ACVR2A: variants seen among roughly 807,000 people sequenced by gnomAD.
The protein encoded by ACVR2A is activin A receptor type 2A.
Under a neutral mutation model 61.4 loss-of-function variants are expected in ACVR2A, and 7 were observed. The ratio of observed to expected loss-of-function variants is 0.11; its 90% CI spans 0.06 to 0.21. The LOEUF (loss-of-function observed/expected upper bound fraction) is 0.21. Among genes scored for constraint, ACVR2A ranks in the 10% least tolerant of loss-of-function variants. The probability of loss-of-function intolerance (pLI) is 1.00; values close to 1 mark genes in which losing one functional copy is unlikely to be tolerated. For synonymous variants in ACVR2A, 193 were observed against 208.3 expected (o/e 0.93, Z 0.63); for missense variants, 322 against 621.7 (o/e 0.52, Z 5.13).
At chr2:147,848,845 C>A (rs1187991818) in intron 1 of ACVR2A, among the ~76,000 whole-genome samples, 1 of 151,986 alleles carries the variant, frequency 6.6e-6, no homozygotes, top group African/African-American at 2.4e-5. Flanking sequence ...CAGTTCTAAA[C>A]TCTTAAATTT....
chr2:147,891,890 T>C (rs942935829), intron 1 of ACVR2A, among the ~76,000 whole-genome samples: 1 of 152,212 alleles, frequency 6.6e-6, no homozygotes, highest in African/African-American at 2.4e-5. Flanking sequence ...TTTCAACATG[T>C]TTCTGAAAAT....
intron 1 of ACVR2A, among the ~76,000 whole-genome samples, chr2:147,880,553 C>T (rs1413421928): frequency 6.6e-6 from 1 of 152,054 alleles, no homozygotes; most frequent in Non-Finnish European, 1.5e-5. Context: ...TCATTCCTTC[C>T]TTCTGTCTTA....
At chr2:147,906,964 A>G (rs964222034) in intron 4 of ACVR2A, among the ~76,000 whole-genome samples, 7 of 151,626 alleles carry the variant, frequency 4.6e-5, no homozygotes, top group African/African-American at 9.7e-5. Flanking sequence ...TGCATTAACT[A>G]TTTGTCCTGA....
At position 147,922,937 on chromosome 2, in the gene ACVR2A, T is replaced by TAA; in HGVS notation, c.1078-36_1078-35insAA. 3 of 1,585,608 alleles carry TAA rather than the reference T, an allele frequency of 1.9e-6. No individual in the cohort carries two copies. The South Asian group carries it at 3.5e-5, about 19-fold the overall frequency. Reference sequence around the variant, plus strand: ...ATCATATGTTAGTTCATAAAGTTAATGAATGAGTACTCTTTGCTTTTAACA... The same window carrying TAA: ...ATCATATGTTAGTTCATAAAGTTAATAAGAATGAGTACTCTTTGCTTTTAACA... On this transcript the variant is annotated intron_variant, in intron 8 of 10. Transcript: ENST00000241416.
At chr2:147,898,342 CTT>C (rs555468559) in intron 2 of ACVR2A, 86 of 152,126 alleles carry the variant, frequency 5.7e-4, no homozygotes, top group South Asian at 2.3e-3. Flanking sequence ...TGAAAAGTAA[CTT>C]TATTGAATTA....
Position 147,845,087 on chromosome 2 carries a change from G to GAGGA in ACVR2A, c.-63_-60dup, listed in dbSNP as rs1178189644. On this transcript the variant is annotated 5_prime_UTR_variant, in exon 1 of 11. Coordinates refer to ENST00000241416, the MANE Select transcript of ACVR2A (RefSeq NM_001616.5). Reference sequence around the variant, plus strand: ...ATTTTACACCAGGAGGTTTGTCTCCGAGGAAGACCCAGGGAACTGGATATC... The same window carrying GAGGA: ...ATTTTACACCAGGAGGTTTGTCTCCGAGGAAGGAAGACCCAGGGAACTGGATATC... The GAGGA allele has an allele frequency of 1.6e-5, 21 of 1,294,598 alleles. No homozygotes were observed. Among genetic ancestry groups the GAGGA allele is most frequent in the Non-Finnish European group, 2.1e-5 (20 of 956,958 alleles). The allele number at this position is 1,294,598 out of a possible 1,614,324, so 80.2% of individuals were successfully genotyped here. A position where few individuals can be genotyped will look rare whatever the true frequency, so the allele number is the denominator to read the frequency against.
chr2:147,860,384 TATTA>T (rs1288333202), intron 1 of ACVR2A, among the ~76,000 whole-genome samples: 8 of 152,018 alleles, frequency 5.3e-5, no homozygotes, highest in African/African-American at 1.9e-4. Context: ...CAGGGCCTGC[TATTA>T]ATTGTGTTAC....
At chr2:147,862,370 T>A (rs1345170275) in intron 1 of ACVR2A, among the ~76,000 whole-genome samples, 1 of 142,016 alleles carries the variant, frequency 7.0e-6, no homozygotes, top group Non-Finnish European at 1.6e-5. Flanking sequence ...CTGAAGTAAA[T>A]TTGTAGGTAA....
At chr2:147,859,521 G>A (rs1305985329) in intron 1 of ACVR2A, among the ~76,000 whole-genome samples, 1 of 151,536 alleles carries the variant, frequency 6.6e-6, no homozygotes, top group Non-Finnish European at 1.5e-5. Context: ...GAAAATATTA[G>A]AATGAATCAC....
chr2:147,852,779 T>C (rs1443841480), intron 1 of ACVR2A, among the ~76,000 whole-genome samples: 2 of 151,976 alleles, frequency 1.3e-5, no homozygotes, highest in African/African-American at 2.4e-5. Context: ...GATGTTAATA[T>C]GAAGGAAAAG....
At chr2:147,858,715 G>A (rs1409492770) in intron 1 of ACVR2A, among the ~76,000 whole-genome samples, 1 of 152,100 alleles carries the variant, frequency 6.6e-6, no homozygotes, top group East Asian at 1.9e-4. Context: ...TTTGTAAAGG[G>A]CCAGATAGTA....
chr2:147,867,764 C>G (rs1448582350), intron 1 of ACVR2A, among the ~76,000 whole-genome samples: 1 of 152,136 alleles, frequency 6.6e-6, no homozygotes, highest in Non-Finnish European at 1.5e-5. Flanking sequence ...TGGTGAAAGT[C>G]AAGCTTTTTA....
At chr2:147,922,901 C>A (rs1573714404) in intron 8 of ACVR2A, 72 bp from the exon 9 acceptor site, 1 of 1,520,354 alleles carries the variant, frequency 6.6e-7, no homozygotes. Context: ...GGTTTTGATT[C>A]ATCTTACAAA....
At chr2:147,857,301 T>C (rs1685604533) in intron 1 of ACVR2A, among the ~76,000 whole-genome samples, 1 of 152,134 alleles carries the variant, frequency 6.6e-6, no homozygotes, top group Admixed American at 6.6e-5. Flanking sequence ...TAGCAACATA[T>C]ATTTAGCAGT....
At chr2:147,893,714 A>G (rs1013794380) in intron 1 of ACVR2A, among the ~76,000 whole-genome samples, 2 of 152,188 alleles carry the variant, frequency 1.3e-5, no homozygotes, top group African/African-American at 4.8e-5. Flanking sequence ...GCCCATTTAA[A>G]TAATTGGACA....
intron 4 of ACVR2A, among the ~76,000 whole-genome samples, chr2:147,907,930 T>G (rs1186103788): frequency 6.6e-6 from 1 of 151,296 alleles, no homozygotes; most frequent in African/African-American, 2.4e-5. Flanking sequence ...TCCCAGCTAC[T>G]TCGGAGGCTG....
intron 2 of ACVR2A, among the ~76,000 whole-genome samples, chr2:147,897,503 T>A (rs752533845): frequency 6.6e-6 from 1 of 152,136 alleles, no homozygotes; most frequent in Non-Finnish European, 1.5e-5. Flanking sequence ...GCCACAGGAT[T>A]TCTACTGTGG....
intron 2 of ACVR2A, 170 bp from the exon 3 acceptor site, chr2:147,899,288 A>G (rs1211911011): frequency 2.4e-5 from 11 of 449,662 alleles, no homozygotes; most frequent in Non-Finnish European, 3.4e-5. Context: ...GAGATTTAGT[A>G]ACAGGAATCC....
chr2:147,896,357 G>C lies in ACVR2A; in HGVS notation c.112G>C (p.Glu38Gln). Residue 38 changes from glutamate (E) to glutamine (Q), a missense_variant, in exon 2 of 11, where the codon GAA becomes CAA. Physicochemically the swap from Glu to Gln is conservative, Grantham distance 29. Transcript: ENST00000241416. ...GTGTCTTTTCTTTAATGCTAATTGG[G>C]AAAAAGACAGAACCAATCAAACTGG... ...QECLFFNANW[E>Q]KDRTNQTGVE... The C allele has an allele frequency of 6.2e-7, 1 of 1,613,842 alleles. No homozygotes were observed. The highest frequency in any genetic ancestry group is 8.5e-7 in the Non-Finnish European group (1 of 1,179,896).
Sources: gnomAD v4.1 joint callset for allele counts (sites outside exome capture counted in the v4.1 genomes callset) on GRCh38, gnomAD v4.1.1 for gene constraint, MANE v1.5 for transcripts, NCBI Gene and HGNC (gene_info 2026-07-23, HGNC 2026-07-21) for gene names.